IL1RAPL1: variants seen among roughly 807,000 people sequenced by gnomAD.
IL1RAPL1 encodes interleukin 1 receptor accessory protein like 1, also known as interleukin-1 receptor accessory protein-like 1.
A neutral mutation model predicts 48.4 loss-of-function variants in IL1RAPL1; 3 were observed. The observed-to-expected ratio is 0.06, with a 90% confidence interval of 0.03 to 0.16. The LOEUF (loss-of-function observed/expected upper bound fraction) is 0.16. IL1RAPL1 is among the 10% of genes least tolerant of loss of function. IL1RAPL1 has a pLI of 1.00. For missense variants in IL1RAPL1, 349 were observed against 530.6 expected, an observed-to-expected ratio of 0.66 and a Z score of 3.36; for synonymous variants, 185 against 187.7, an observed-to-expected ratio of 0.99 and a Z score of 0.12.
At chrX:29,683,343 TC>T (rs1338784052) in intron 6 of IL1RAPL1, among the ~76,000 whole-genome samples, 1 of 112,118 alleles carries the variant, frequency 8.9e-6, no homozygotes, top group Non-Finnish European at 1.9e-5. Flanking sequence ...CGCCAAGACT[TC>T]CTGTCTTTCC....
chrX:29,342,311 C>T (rs886736941), intron 3 of IL1RAPL1, among the ~76,000 whole-genome samples: 16 of 111,678 alleles, frequency 1.4e-4, no homozygotes, highest in Admixed American at 1.2e-3. Context: ...CTCTGCTAGG[C>T]ATTGGAGATT....
chrX:29,159,617 A>G (rs1406865013), intron 2 of IL1RAPL1, among the ~76,000 whole-genome samples: 1 of 112,425 alleles, frequency 8.9e-6, no homozygotes, highest in African/African-American at 3.2e-5. Flanking sequence ...TGGATAGCAC[A>G]TCAATTGGAT....
intron 5 of IL1RAPL1, among the ~76,000 whole-genome samples, chrX:29,560,488 G>C (rs1366096120): frequency 2.7e-5 from 3 of 111,090 alleles, no homozygotes; most frequent in Non-Finnish European, 5.7e-5. Flanking sequence ...ATATCTTTCT[G>C]GAACTCCCGT....
intron 5 of IL1RAPL1, among the ~76,000 whole-genome samples, chrX:29,558,701 G>C (rs1922086316): frequency 9.0e-6 from 1 of 111,643 alleles, no homozygotes; most frequent in Non-Finnish European, 1.9e-5. Flanking sequence ...ATTTTGAGTT[G>C]GTTGTTGTAT....
chrX:29,840,772 T>A (rs1457503444), intron 6 of IL1RAPL1, among the ~76,000 whole-genome samples: 1 of 111,589 alleles, frequency 9.0e-6, no homozygotes, highest in African/African-American at 3.3e-5. Flanking sequence ...ACTTGGTAGT[T>A]TTATGGTGCA....
intron 1 of IL1RAPL1, among the ~76,000 whole-genome samples, chrX:28,721,566 T>A (rs1935581190): frequency 9.0e-6 from 1 of 111,438 alleles, no homozygotes; most frequent in Non-Finnish European, 1.9e-5. Flanking sequence ...CTGATGGTAG[T>A]TTCTTTTGCT....
In IL1RAPL1 at chrX:29,848,576, A is replaced by G. The variant is rs559601019; in HGVS notation, c.779-68888A>G. ...ATAAGGACTTTCTATGAAAGGCCAAAGCAACTAAATAGTTATGGTTTTTGT... is the reference window on the plus strand; with the variant it reads ...ATAAGGACTTTCTATGAAAGGCCAAGGCAACTAAATAGTTATGGTTTTTGT... On this transcript the variant is annotated intron_variant, in intron 6 of 10. Transcript: ENST00000378993. Among the ~76,000 whole-genome samples the G allele has an allele frequency of 2.7e-5, 3 of 111,924 alleles. No individual in the cohort carries two copies. In the East Asian group the frequency reaches 8.4e-4, roughly 31 times the overall value.
intron 5 of IL1RAPL1, among the ~76,000 whole-genome samples, chrX:29,654,332 A>G (rs1466505206): frequency 9.0e-6 from 1 of 111,657 alleles, no homozygotes; most frequent in Non-Finnish European, 1.9e-5. Context: ...ATATTAATAT[A>G]CAAAAATATA....
At chrX:28,760,201 C>T (rs2147250413) in intron 1 of IL1RAPL1, among the ~76,000 whole-genome samples, 1 of 111,115 alleles carries the variant, frequency 9.0e-6, no homozygotes, top group African/African-American at 3.3e-5. Context: ...AACAAAAATG[C>T]TTTGTTTATA....
intron 6 of IL1RAPL1, among the ~76,000 whole-genome samples, chrX:29,828,869 A>G (rs1417430559): frequency 2.7e-5 from 3 of 109,690 alleles, no homozygotes; most frequent in Admixed American, 9.8e-5. Flanking sequence ...CAAGACAGGA[A>G]GGTGGGGAGA....
At chrX:28,732,271 A>G (rs1935764367) in intron 1 of IL1RAPL1, among the ~76,000 whole-genome samples, 1 of 111,918 alleles carries the variant, frequency 8.9e-6, no homozygotes, top group Non-Finnish European at 1.9e-5. Flanking sequence ...ATTTTTAAAC[A>G]TTTTTTTAGC....
intron 3 of IL1RAPL1, among the ~76,000 whole-genome samples, chrX:29,289,896 G>T (rs1156600840): frequency 2.7e-5 from 3 of 111,918 alleles, no homozygotes; most frequent in Non-Finnish European, 5.6e-5. Context: ...ATTGATTTTT[G>T]TGTTAACATT....
chrX:29,560,812 T>A (rs920363118), intron 5 of IL1RAPL1, among the ~76,000 whole-genome samples: 1 of 112,423 alleles, frequency 8.9e-6, no homozygotes, highest in Non-Finnish European at 1.9e-5. Context: ...CTGAGCTTTT[T>A]GTAAAGAGTT....
rs1428304017 is a variant in IL1RAPL1 at position 29,228,654 on chromosome X, G to A, written c.83-54284G>A. ...AGGCGTGAGCCACCGCACCTGGCCAGTTTTGCCTAATTTTTAAAATCTATT... is the reference window on the plus strand; with the variant it reads ...AGGCGTGAGCCACCGCACCTGGCCAATTTTGCCTAATTTTTAAAATCTATT... On this transcript the variant is annotated intron_variant, in intron 2 of 10. Coordinates refer to ENST00000378993, the MANE Select transcript of IL1RAPL1 (RefSeq NM_014271.4). 2.7e-5 allele frequency among the ~76,000 whole-genome samples: 3 copies of A among 111,080 alleles called. No homozygotes were observed. In the South Asian group the frequency reaches 1.1e-3, roughly 42 times the overall value.
chrX:29,777,415 G>A (rs1404724450), intron 6 of IL1RAPL1, among the ~76,000 whole-genome samples: 2 of 112,100 alleles, frequency 1.8e-5, no homozygotes, highest in African/African-American at 6.5e-5. Flanking sequence ...CTATGTTGAT[G>A]TGAGACTGGA....
chrX:29,295,448 A>G (rs928691423), intron 3 of IL1RAPL1, among the ~76,000 whole-genome samples: 4 of 111,969 alleles, frequency 3.6e-5, no homozygotes, highest in Non-Finnish European at 7.5e-5. Flanking sequence ...CCCTTAGATC[A>G]TCTTAAAGGC....
At chrX:29,476,582 G>T (rs957497279) in intron 5 of IL1RAPL1, among the ~76,000 whole-genome samples, 2 of 110,792 alleles carry the variant, frequency 1.8e-5, no homozygotes, top group South Asian at 3.8e-4. Context: ...TAAATTAAAA[G>T]TGTTATACCC....
chrX:29,522,647 A>G (rs911159632), intron 5 of IL1RAPL1, among the ~76,000 whole-genome samples: 1 of 112,202 alleles, frequency 8.9e-6, no homozygotes, highest in African/African-American at 3.2e-5. Flanking sequence ...ACACCTATCT[A>G]TGAAGAGTTA....
chrX:28,698,490 A>T (rs924809477), intron 1 of IL1RAPL1, among the ~76,000 whole-genome samples: 1 of 111,757 alleles, frequency 8.9e-6, no homozygotes, highest in East Asian at 2.8e-4. Context: ...CACCTCAATA[A>T]TATCGACTTT....
Sources: gnomAD v4.1 joint callset for allele counts (sites outside exome capture counted in the v4.1 genomes callset) on GRCh38, gnomAD v4.1.1 for gene constraint, MANE v1.5 for transcripts, NCBI Gene and HGNC (gene_info 2026-07-23, HGNC 2026-07-21) for gene names.